Variants in ACVR2B observed in about 807,000 individuals in gnomAD.
ACVR2B encodes the protein activin A receptor type 2B, also known as activin receptor type-2B.
Under a neutral mutation model 65.1 loss-of-function variants are expected in ACVR2B, and 18 were observed. The ratio of observed to expected loss-of-function variants is 0.28; its 90% CI spans 0.19 to 0.41. The LOEUF (loss-of-function observed/expected upper bound fraction) is 0.41, where lower values mean the gene tolerates loss of function less well. Ranked by LOEUF, ACVR2B falls within the 10% of genes least tolerant of loss-of-function variation. The pLI is 1.00. For synonymous variants in ACVR2B, 298 were observed against 277.7 expected (o/e 1.07, Z -0.73); for missense variants, 482 against 682.7 (o/e 0.71, Z 3.28).
chr3:38,468,726 T>A (rs1203019212), intron 1 of ACVR2B, among the ~76,000 whole-genome samples: 1 of 152,096 alleles, frequency 6.6e-6, no homozygotes, highest in East Asian at 1.9e-4. Context: ...AACTTAGGAG[T>A]CTGTGTGATC....
intron 1 of ACVR2B, among the ~76,000 whole-genome samples, chr3:38,467,621 T>TGCACCTGTA (rs1709754309): frequency 6.6e-6 from 1 of 151,752 alleles, no homozygotes; most frequent in South Asian, 2.1e-4. Flanking sequence ...GTGGTGGCAT[T>TGCACCTGTA]GCACCTGTAA....
Position 38,467,144 on chromosome 3 carries a change from C to G in ACVR2B, c.53-10143C>G, listed in dbSNP as rs7427483. The stretch of plus-strand genomic sequence containing the variant: ...TAACCAAAGGATAGATTATAATTTT[C>G]AAGCTAAAAAAGAGACAAATGGGCT... On this transcript the variant is annotated intron_variant, in intron 1 of 10. Transcript: ENST00000352511. Among the ~76,000 whole-genome samples the G allele has an allele frequency of 2.6e-5, 4 of 152,276 alleles. No individual in the cohort carries two copies. The South Asian group carries it at 8.3e-4, about 32-fold the overall frequency.
At chr3:38,482,409 C>T in intron 9 of ACVR2B, 21 bp from the exon 10 acceptor site, 2 of 1,611,440 alleles carry the variant, frequency 1.2e-6, no homozygotes, top group Non-Finnish European at 1.7e-6. Flanking sequence ...GTGATCCTGC[C>T]AGGCTCTCTC....
intron 1 of ACVR2B, among the ~76,000 whole-genome samples, chr3:38,461,885 A>G (rs1380366721): frequency 1.3e-5 from 2 of 152,192 alleles, no homozygotes; most frequent in Non-Finnish European, 2.9e-5. Flanking sequence ...ATCTATAGAA[A>G]TACTTATAGA....
intron 4 of ACVR2B, 25 bp from the exon 5 acceptor site, chr3:38,478,350 C>G (rs1559653548): frequency 6.2e-7 from 1 of 1,613,888 alleles, no homozygotes; most frequent in Non-Finnish European, 8.5e-7. Context: ...CAGGCCAGAC[C>G]TTTTTAAGCC....
chr3:38,471,726 CACTT>C lies in ACVR2B; in HGVS notation c.53-5559_53-5556del, dbSNP rs1176211859. ...CCTGGGGTTTGAAGCCTGATTTTGA[CACTT>C]AATAAGTAACTTGGGTAGGTTACTT... On this transcript the variant is annotated intron_variant, in intron 1 of 10. Transcript: ENST00000352511. 2.0e-5 allele frequency among the ~76,000 whole-genome samples: 3 copies of C among 152,322 alleles called. No homozygotes were observed. The East Asian group carries it at 5.8e-4, about 29-fold the overall frequency.
chr3:38,470,347 A>G (rs1709798669), intron 1 of ACVR2B, among the ~76,000 whole-genome samples: 1 of 152,272 alleles, frequency 6.6e-6, no homozygotes, highest in Non-Finnish European at 1.5e-5. Context: ...AATATCTGCA[A>G]AGTTAAATTA....
In ACVR2B at chr3:38,483,144, G is replaced by A; in HGVS notation, c.1351G>A (p.Ala451Thr). 1 of 1,614,164 alleles carries A rather than the reference G, an allele frequency of 6.2e-7. No homozygotes were observed. Among genetic ancestry groups the A allele is most frequent in the Non-Finnish European group, 8.5e-7 (1 of 1,180,026 alleles). ...TCTGCCCTATGCTGCTTAGGGCCTG[G>A]CCCAGCTTTGTGTGACCATCGAGGA... ...KDHWLKHPGLAQLCVTIEECW... is the reference protein window; with the variant it reads ...KDHWLKHPGLTQLCVTIEECW... The change falls in exon 11 of 11, where the codon GCC becomes ACC. Residue 451 changes from alanine to threonine, a missense_variant. Ala to Thr is a moderately conservative substitution (Grantham distance 58). Coordinates refer to ENST00000352511, the MANE Select transcript of ACVR2B (RefSeq NM_001106.4). The surrounding 1 kb of genome is among the most constrained non-coding windows in gnomAD (Gnocchi z 4.8).
chr3:38,480,897 G>A (rs868106136), intron 7 of ACVR2B, among the ~76,000 whole-genome samples: 14 of 152,264 alleles, frequency 9.2e-5, no homozygotes, highest in Admixed American at 2.6e-4. Context: ...TGCTCCAGCC[G>A]GCCTTCATGG....
In ACVR2B at chr3:38,478,304, C is replaced by T; in HGVS notation, c.522+12C>T. Reference sequence around the variant, plus strand: ...TGGACATCCATGAGGTGAGACAGTGCTGGCTTGGGGCAGGGCAGGATAGAG... The same window carrying T: ...TGGACATCCATGAGGTGAGACAGTGTTGGCTTGGGGCAGGGCAGGATAGAG... On this transcript the variant is annotated intron_variant, in intron 4 of 10. Transcript: ENST00000352511. 1 of 1,613,962 alleles carries T rather than the reference C, an allele frequency of 6.2e-7. No individual in the cohort carries two copies. The highest frequency in any genetic ancestry group is 8.5e-7 in the Non-Finnish European group (1 of 1,179,980).
chr3:38,459,602 A>G (rs1212478326), intron 1 of ACVR2B: 1 of 985,268 alleles, frequency 1.0e-6, no homozygotes, highest in African/African-American at 1.7e-5. Flanking sequence ...TGGACCTGCC[A>G]TGTGGCGCTC....
chr3:38,486,793 A>C lies in ACVR2B; in HGVS notation c.*3461A>C, dbSNP rs940399999. The C allele has an allele frequency of 1.3e-5, 2 of 152,264 alleles. No individual in the cohort carries two copies. The highest frequency in any genetic ancestry group is 2.9e-5 in the Non-Finnish European group (2 of 68,108). The allele number at this position is 152,264 out of a possible 1,614,324, so 9.4% of individuals were successfully genotyped here. A position where few individuals can be genotyped will look rare whatever the true frequency, so the allele number is the denominator to read the frequency against. ...GGAAGAATCTTCTTTGAAAGCATCT[A>C]TGATAACTGAGAAGTCATCCCTAGT... is the stretch of plus-strand genomic sequence containing the variant. On this transcript the variant is annotated 3_prime_UTR_variant, in exon 11 of 11. Transcript: ENST00000352511.
At chr3:38,464,073 G>A (rs1190972160) in intron 1 of ACVR2B, among the ~76,000 whole-genome samples, 1 of 152,212 alleles carries the variant, frequency 6.6e-6, no homozygotes, top group Non-Finnish European at 1.5e-5. Flanking sequence ...GGCAAAACCT[G>A]CAATTACTTT....
chr3:38,462,214 CAAACAAAT>C (rs1287197517), intron 1 of ACVR2B, among the ~76,000 whole-genome samples: 1 of 151,474 alleles, frequency 6.6e-6, no homozygotes, highest in African/African-American at 2.4e-5. Flanking sequence ...AATAAATAAA[CAAACAAAT>C]AAATAAATAA....
chr3:38,479,056 C>T lies in ACVR2B; in HGVS notation c.667-72C>T, dbSNP rs1709966814. On this transcript the variant is annotated intron_variant, in intron 5 of 10. Coordinates refer to ENST00000352511, the MANE Select transcript of ACVR2B (RefSeq NM_001106.4). ...TGGGGAATGGGGAATGGTTGTTCTG[C>T]TGTAGGGCAATGTGACTGCAGCAGG... 8 of 1,595,850 alleles carry T rather than the reference C, an allele frequency of 5.0e-6. No homozygotes were observed. The Admixed American group carries it at 8.3e-5, about 17-fold the overall frequency.
At chr3:38,459,938 CT>C (rs1451557802) in intron 1 of ACVR2B, among the ~76,000 whole-genome samples, 5 of 152,172 alleles carry the variant, frequency 3.3e-5, no homozygotes, top group Non-Finnish European at 7.3e-5. Context: ...TCAAGCTTGG[CT>C]AGGGAACGCT....
chr3:38,454,760 T>TGCAGCA (rs145420050), intron 1 of ACVR2B: 2 of 174,314 alleles, frequency 1.1e-5, no homozygotes, highest in Admixed American at 6.3e-5. Context: ...GGATTGTAGG[T>TGCAGCA]GCAGCAGCAG....
rs374269276 is a variant in ACVR2B at position 38,478,132 on chromosome 3, G to A, written c.371-9G>A. ...GACTGTTTGACACAGGGCTCTGTGT[G>A]TCCCCCAGTCACGTACGAGCCACCC... On this transcript the variant is annotated splice_polypyrimidine_tract_variant and intron_variant, in intron 3 of 10. Coordinates refer to ENST00000352511, the MANE Select transcript of ACVR2B (RefSeq NM_001106.4). 11 of 1,610,918 alleles carry A rather than the reference G, an allele frequency of 6.8e-6. No homozygotes were observed. The highest frequency in any genetic ancestry group is 9.3e-6 in the Non-Finnish European group (11 of 1,179,318).
Position 38,483,314 on chromosome 3 carries a change from TAA to T in ACVR2B, c.1523_1524del (p.Lys508ArgfsTer62). 1 of 1,613,936 alleles carries T rather than the reference TAA, an allele frequency of 6.2e-7. No homozygotes were observed. The highest frequency in any genetic ancestry group is 8.5e-7 in the Non-Finnish European group (1 of 1,179,992). ...TSVTNVDLPP[K>X]ESSI ...CTGTCACCAATGTGGACCTGCCCCCTAAAGAGTCAAGCATCTAAGCCCAGGAC... is the reference window on the plus strand; with the variant it reads ...CTGTCACCAATGTGGACCTGCCCCCTAGAGTCAAGCATCTAAGCCCAGGAC... On this transcript the variant is annotated frameshift_variant, in exon 11 of 11. Transcript: ENST00000352511. LOFTEE classifies it high-confidence loss of function. The surrounding 1 kb of genome is among the most constrained non-coding windows in gnomAD (Gnocchi z 4.8).
Sources: allele counts gnomAD v4.1 joint callset (sites outside exome capture counted in the v4.1 genomes callset), GRCh38; gene constraint gnomAD v4.1.1; non-coding constraint Gnocchi (gnomAD v3.1); transcripts MANE v1.5; gene names NCBI Gene and HGNC (gene_info 2026-07-23, HGNC 2026-07-21).